Variants in CACNB4 observed in about 807,000 individuals in gnomAD.
CACNB4 encodes the protein calcium voltage-gated channel auxiliary subunit beta 4, also known as voltage-dependent L-type calcium channel subunit beta-4.
CACNB4 carries 32 observed loss-of-function variants against 71.2 expected under a neutral mutation model. The observed-to-expected ratio is 0.45, with a 90% confidence interval of 0.34 to 0.60. The LOEUF is 0.60. Among genes scored for constraint, CACNB4 ranks in the 20% least tolerant of loss-of-function variants. CACNB4 has a pLI of 0.01. For missense variants in CACNB4, 464 were observed against 647.9 expected (o/e 0.72, Z 3.08); for synonymous variants, 231 against 236.9 (o/e 0.97, Z 0.23).
intron 12 of CACNB4, among the ~76,000 whole-genome samples, chr2:151,848,025 T>C (rs1249806575): frequency 1.3e-5 from 2 of 152,230 alleles, no homozygotes; most frequent in Admixed American, 6.5e-5. Flanking sequence ...CTTGATAATT[T>C]GTGACACTTG....
intron 4 of CACNB4, among the ~76,000 whole-genome samples, chr2:151,877,313 C>T (rs896435631): frequency 1.3e-5 from 2 of 152,108 alleles, no homozygotes; most frequent in African/African-American, 2.4e-5. Flanking sequence ...GTGAGCATGG[C>T]TGTGTTTCAA....
intron 2 of CACNB4, among the ~76,000 whole-genome samples, chr2:151,980,726 C>T (rs943708381): frequency 2.0e-5 from 3 of 152,212 alleles, no homozygotes; most frequent in Admixed American, 6.5e-5. Context: ...AGAACATGAG[C>T]ATCCCTAAAG....
intron 2 of CACNB4, among the ~76,000 whole-genome samples, chr2:151,941,089 T>C (rs543519036): frequency 6.6e-6 from 1 of 152,230 alleles, no homozygotes; most frequent in African/African-American, 2.4e-5. Context: ...AAACTGGCTA[T>C]GTTTATAAAT....
intron 2 of CACNB4, among the ~76,000 whole-genome samples, chr2:152,061,261 A>C (rs1402129642): frequency 6.6e-6 from 1 of 152,142 alleles, no homozygotes; most frequent in Admixed American, 6.5e-5. Flanking sequence ...GCTGTGAGCT[A>C]TGATCGTGCC....
chr2:151,932,105 G>A (rs777613974), intron 2 of CACNB4, among the ~76,000 whole-genome samples: 3 of 152,034 alleles, frequency 2.0e-5, no homozygotes, highest in Non-Finnish European at 4.4e-5. Context: ...GGAAGCTGGG[G>A]AGAGACAGCT....
At chr2:151,926,702 T>C (rs2099860340) in intron 2 of CACNB4, among the ~76,000 whole-genome samples, 1 of 152,232 alleles carries the variant, frequency 6.6e-6, no homozygotes, top group Non-Finnish European at 1.5e-5. Context: ...ATTATAGTTG[T>C]TACATATATC....
In CACNB4 at chr2:152,012,470, G is replaced by A. The variant is rs768948559; in HGVS notation, c.147+85860C>T. Among the ~76,000 whole-genome samples the A allele has an allele frequency of 2.7e-4, 41 of 151,960 alleles. 1 individual carries two copies. The highest frequency in any genetic ancestry group is 4.6e-4 in the Non-Finnish European group (31 of 67,990). ...AATACAAAAATTAGCCGGGCGTGGCGGCGGGCACCTGTATTCCCAGCTACT... is the reference window on the plus strand; with the variant it reads ...AATACAAAAATTAGCCGGGCGTGGCAGCGGGCACCTGTATTCCCAGCTACT... On this transcript the variant is annotated intron_variant, in intron 2 of 13. Transcript: ENST00000539935.
At chr2:152,068,310 G>T (rs936780171) in intron 2 of CACNB4, among the ~76,000 whole-genome samples, 8 of 152,116 alleles carry the variant, frequency 5.3e-5, no homozygotes, top group African/African-American at 1.9e-4. Context: ...CTTCACATGA[G>T]GTAGCTGCCT....
chr2:151,986,394 G>A (rs1681372476), intron 2 of CACNB4, among the ~76,000 whole-genome samples: 1 of 152,116 alleles, frequency 6.6e-6, no homozygotes, highest in East Asian at 1.9e-4. Context: ...TGTATTTTAT[G>A]GGTCAGTGAT....
intron 3 of CACNB4, among the ~76,000 whole-genome samples, chr2:151,882,489 G>A (rs1029346490): frequency 1.3e-5 from 2 of 152,086 alleles, no homozygotes; most frequent in Admixed American, 1.3e-4. Context: ...AGGGCAAAGA[G>A]GACAGGCCGG....
chr2:152,076,139 T>TC (rs1686998988), intron 2 of CACNB4, among the ~76,000 whole-genome samples: 1 of 126,426 alleles, frequency 7.9e-6, no homozygotes, highest in Non-Finnish European at 1.7e-5. Flanking sequence ...CTCTTTTCTT[T>TC]TTTTTTTTTT....
At chr2:152,068,183 C>T in intron 2 of CACNB4, among the ~76,000 whole-genome samples, 1 of 152,164 alleles carries the variant, frequency 6.6e-6, no homozygotes, top group East Asian at 1.9e-4. Flanking sequence ...GGCATCTGGG[C>T]AGACATCTGA....
intron 2 of CACNB4, among the ~76,000 whole-genome samples, chr2:151,885,115 C>T (rs1418960497): frequency 1.3e-5 from 2 of 152,196 alleles, no homozygotes; most frequent in African/African-American, 2.4e-5. Flanking sequence ...CAGCCTAGAA[C>T]AAGAACTCCT....
At chr2:152,004,374 G>A (rs1002818774) in intron 2 of CACNB4, among the ~76,000 whole-genome samples, 5 of 152,000 alleles carry the variant, frequency 3.3e-5, no homozygotes, top group African/African-American at 1.2e-4. Flanking sequence ...CTGCCCTTCT[G>A]TGCAACTTAA....
At chr2:152,038,281 T>G (rs1419402507) in intron 2 of CACNB4, among the ~76,000 whole-genome samples, 1 of 152,170 alleles carries the variant, frequency 6.6e-6, no homozygotes, top group Admixed American at 6.5e-5. Flanking sequence ...CACACCAGAG[T>G]GTGCACAAGT....
chr2:151,993,144 G>A (rs565316927), intron 2 of CACNB4, among the ~76,000 whole-genome samples: 6 of 97,978 alleles, frequency 6.1e-5, no homozygotes, highest in Non-Finnish European at 1.2e-4. Flanking sequence ...AGTAAGCCAC[G>A]TTTTTTGTTT....
intron 2 of CACNB4, among the ~76,000 whole-genome samples, chr2:152,093,046 C>T (rs1034958906): frequency 2.0e-5 from 3 of 151,960 alleles, no homozygotes; most frequent in African/African-American, 7.3e-5. Flanking sequence ...CTCAGTTGAC[C>T]GCAGGTAACT....
At chr2:151,852,045 G>A (rs2099839182) in intron 12 of CACNB4, 1 of 152,160 alleles carries the variant, frequency 6.6e-6, no homozygotes, top group African/African-American at 2.4e-5. Context: ...CTTCAGGGTA[G>A]GTAACCAGGT....
At chr2:151,896,020 A>T (rs1360320639) in intron 2 of CACNB4, among the ~76,000 whole-genome samples, 1 of 151,808 alleles carries the variant, frequency 6.6e-6, no homozygotes, top group Non-Finnish European at 1.5e-5. Context: ...AATTTTTTGT[A>T]TTTTTTGTAG....
Sources: gnomAD v4.1 joint callset for allele counts (sites outside exome capture counted in the v4.1 genomes callset) on GRCh38, gnomAD v4.1.1 for gene constraint, MANE v1.5 for transcripts, NCBI Gene and HGNC (gene_info 2026-07-23, HGNC 2026-07-21) for gene names.